LGSN: variants seen among roughly 807,000 people sequenced by gnomAD.
The protein encoded by LGSN is lengsin.
Under a neutral mutation model 19.5 loss-of-function variants are expected in LGSN, and 21 were observed. The observed-to-expected ratio is 1.07, with a 90% CI of 0.76 to 1.55. The LOEUF (loss-of-function observed/expected upper bound fraction) is 1.55. Among genes scored for constraint, LGSN ranks in the 40% most tolerant of loss-of-function variants. LGSN has a pLI of 0.00. For missense variants in LGSN, 673 were observed against 608.5 expected (o/e 1.11, Z -1.12); for synonymous variants, 257 against 215.6 (o/e 1.19, Z -1.68).
the LGSN span, among the ~76,000 whole-genome samples, chr6:63,513,225 C>CT: frequency 6.6e-6 from 1 of 152,152 alleles, no homozygotes; most frequent in African/African-American, 2.4e-5. Flanking sequence ...GTAAAGGACA[C>CT]TTTTTTCTTA....
At chr6:63,416,568 T>C in the LGSN span, among the ~76,000 whole-genome samples, 1 of 152,088 alleles carries the variant, frequency 6.6e-6, no homozygotes, top group African/African-American at 2.4e-5. Context: ...CATAGTTTTT[T>C]TGTTGTTGTT....
At chr6:63,443,504 C>A in the LGSN span, 1 of 483,040 alleles carries the variant, frequency 2.1e-6, no homozygotes. Context: ...ACCTTTGCAC[C>A]AGCGTGAACA....
At chr6:63,431,520 T>A in the LGSN span, among the ~76,000 whole-genome samples, 2 of 152,342 alleles carry the variant, frequency 1.3e-5, no homozygotes, top group East Asian at 3.9e-4. Flanking sequence ...AAATATGAAG[T>A]GGAATTCTAG....
chr6:63,285,182 G>A (rs1296410399), intron 3 of LGSN, among the ~76,000 whole-genome samples: 1 of 152,096 alleles, frequency 6.6e-6, no homozygotes, highest in African/African-American at 2.4e-5. Context: ...TTTTTATCTA[G>A]CAAATATTTT....
chr6:63,468,449 A>G, the LGSN span, among the ~76,000 whole-genome samples: 1 of 150,366 alleles, frequency 6.7e-6, no homozygotes, highest in Non-Finnish European at 1.5e-5. Flanking sequence ...TTATTTTGAG[A>G]CAGAATCTTG....
At chr6:63,444,255 G>C in the LGSN span, among the ~76,000 whole-genome samples, 2 of 152,124 alleles carry the variant, frequency 1.3e-5, no homozygotes, top group South Asian at 4.1e-4. Context: ...AGAAAGATGA[G>C]TTAAATTCTT....
chr6:63,399,996 G>C, the LGSN span, among the ~76,000 whole-genome samples: 1 of 151,984 alleles, frequency 6.6e-6, no homozygotes, highest in African/African-American at 2.4e-5. Context: ...GGATTTTCTT[G>C]TTCTTAACCT....
At chr6:63,306,924 A>G (rs1391867294) in intron 1 of LGSN, among the ~76,000 whole-genome samples, 1 of 152,214 alleles carries the variant, frequency 6.6e-6, no homozygotes, top group African/African-American at 2.4e-5. Context: ...AATGTAAGGT[A>G]AGAAGTAAAG....
chr6:63,507,114 G>T, the LGSN span, among the ~76,000 whole-genome samples: 1 of 152,098 alleles, frequency 6.6e-6, no homozygotes, highest in African/African-American at 2.4e-5. Context: ...ATGACCATTC[G>T]CACTACTCAT....
chr6:63,300,022 T>C (rs562568007), intron 1 of LGSN, among the ~76,000 whole-genome samples: 1 of 152,340 alleles, frequency 6.6e-6, no homozygotes, highest in African/African-American at 2.4e-5. Context: ...ATCTTTGATT[T>C]TGAGCCTTTG....
rs146542404 is a variant in LGSN, at chr6:63,276,286, C to G, written c.*3735G>C. ...TTTATTCAGATTAAAGTTTTTTGAT[C>G]TTTCATTGCCTTCAAATAATCATTT... On this transcript the variant is annotated 3_prime_UTR_variant, in exon 4 of 4. Transcript: ENST00000370657. 6.6e-6 allele frequency: 1 copy of G among 152,292 alleles called. No individual in the cohort carries two copies. Among genetic ancestry groups the G allele is most frequent in the East Asian group, 1.9e-4 (1 of 5,190 alleles). 9.4% of individuals were successfully genotyped at this position (152,292 alleles called of 1,614,324 possible).
At chr6:63,289,722 T>C (rs185427104) in intron 2 of LGSN, among the ~76,000 whole-genome samples, 4 of 152,008 alleles carry the variant, frequency 2.6e-5, no homozygotes, top group African/African-American at 4.8e-5. Flanking sequence ...CAGTTATATA[T>C]AGAGAGCAAG....
At chr6:63,390,639 G>C in the LGSN span, among the ~76,000 whole-genome samples, 73 of 151,194 alleles carry the variant, frequency 4.8e-4, 1 homozygote, top group African/African-American at 1.7e-3. Flanking sequence ...GGCGGATCAC[G>C]AGGTCAGGAG....
the LGSN span, among the ~76,000 whole-genome samples, chr6:63,335,203 G>A: frequency 6.6e-6 from 1 of 151,314 alleles, no homozygotes; most frequent in African/African-American, 2.4e-5. Context: ...TTGGTGCTGG[G>A]AAAACTGGAT....
chr6:63,479,893 C>T, the LGSN span, among the ~76,000 whole-genome samples: 1 of 152,168 alleles, frequency 6.6e-6, no homozygotes, highest in African/African-American at 2.4e-5. Flanking sequence ...AATTGTTTAT[C>T]AAGCACTTAC....
chr6:63,514,384 T>C, the LGSN span, among the ~76,000 whole-genome samples: 1 of 152,176 alleles, frequency 6.6e-6, no homozygotes, highest in Non-Finnish European at 1.5e-5. Context: ...TGCACCACCA[T>C]GCCAAGCTAA....
the LGSN span, among the ~76,000 whole-genome samples, chr6:63,503,520 C>T: frequency 6.6e-6 from 1 of 152,180 alleles, no homozygotes; most frequent in Non-Finnish European, 1.5e-5. Flanking sequence ...GATTTAAATT[C>T]CAGAGAGTAG....
the LGSN span, among the ~76,000 whole-genome samples, chr6:63,430,116 A>G: frequency 6.6e-6 from 1 of 152,172 alleles, no homozygotes; most frequent in Non-Finnish European, 1.5e-5. Flanking sequence ...GTGAAAAAAG[A>G]TTGGAGGGTG....
the LGSN span, among the ~76,000 whole-genome samples, chr6:63,548,296 G>T: frequency 3.3e-5 from 5 of 152,130 alleles, no homozygotes; most frequent in African/African-American, 1.2e-4. Flanking sequence ...CTGTACCTCA[G>T]TTTCCTCATC....
Sources: allele counts gnomAD v4.1 joint callset (sites outside exome capture counted in the v4.1 genomes callset), GRCh38; gene constraint gnomAD v4.1.1; transcripts MANE v1.5; gene names NCBI Gene and HGNC (gene_info 2026-07-23, HGNC 2026-07-21).